Variants in MARCHF1 observed in about 807,000 individuals in gnomAD.
MARCHF1 encodes E3 ubiquitin-protein ligase MARCHF1.
In MARCHF1, 40 loss-of-function variants were observed where a neutral mutation model predicts 54.2. That is an observed-to-expected ratio of 0.74 (90% CI 0.57 to 0.96). The LOEUF (loss-of-function observed/expected upper bound fraction) is 0.96. MARCHF1 is among the 40% of genes least tolerant of loss of function. The probability of loss-of-function intolerance (pLI) is 0.00; values close to 1 mark genes in which losing one functional copy is unlikely to be tolerated. For synonymous variants in MARCHF1, 236 were observed against 236.3 expected (o/e 1.00, Z 0.01); for missense variants, 586 against 656.5 (o/e 0.89, Z 1.17).
intron 4 of MARCHF1, among the ~76,000 whole-genome samples, chr4:163,853,266 C>G (rs909655247): frequency 6.6e-6 from 1 of 151,926 alleles, no homozygotes; most frequent in Non-Finnish European, 1.5e-5. Context: ...TCAGGCTAAT[C>G]AAAACACTTT....
chr4:164,036,872 A>G (rs1195081077), intron 2 of MARCHF1, among the ~76,000 whole-genome samples: 3 of 152,194 alleles, frequency 2.0e-5, no homozygotes, highest in Admixed American at 2.0e-4. Flanking sequence ...GGTATTATCT[A>G]ATGGTGAATA....
chr4:164,085,133 C>T (rs928309953), intron 2 of MARCHF1, among the ~76,000 whole-genome samples: 6 of 151,614 alleles, frequency 4.0e-5, no homozygotes, highest in Non-Finnish European at 8.9e-5. Flanking sequence ...TGACATATAT[C>T]CCAAAGTACA....
chr4:163,666,129 C>A (rs1204743941), intron 5 of MARCHF1, among the ~76,000 whole-genome samples: 2 of 152,134 alleles, frequency 1.3e-5, no homozygotes, highest in Non-Finnish European at 2.9e-5. Context: ...TCATTAATAT[C>A]ATTGCTTCTG....
intron 1 of MARCHF1, among the ~76,000 whole-genome samples, chr4:164,139,729 G>A (rs539715288): frequency 1.2e-4 from 18 of 152,050 alleles, no homozygotes; most frequent in African/African-American, 4.1e-4. Context: ...TACTTTAAGC[G>A]GAATGGAAAA....
intron 5 of MARCHF1, among the ~76,000 whole-genome samples, chr4:163,695,342 T>C (rs1744586955): frequency 6.6e-6 from 1 of 152,170 alleles, no homozygotes; most frequent in African/African-American, 2.4e-5. Context: ...TAAAATGCTG[T>C]GAACCATAGA....
chr4:164,337,526 G>C (rs1729773609), intron 1 of MARCHF1, among the ~76,000 whole-genome samples: 1 of 152,174 alleles, frequency 6.6e-6, no homozygotes, highest in African/African-American at 2.4e-5. Context: ...GCATGGATGA[G>C]TAAATGGCTA....
chr4:164,285,464 A>G (rs1734118803), intron 1 of MARCHF1, among the ~76,000 whole-genome samples: 1 of 151,948 alleles, frequency 6.6e-6, no homozygotes, highest in African/African-American at 2.4e-5. Context: ...TATTTTTGAG[A>G]CGGAGTTTCG....
chr4:164,269,792 G>A (rs1446963328), intron 1 of MARCHF1, among the ~76,000 whole-genome samples: 2 of 152,080 alleles, frequency 1.3e-5, no homozygotes, highest in Admixed American at 6.6e-5. Context: ...GGGGTTTATC[G>A]TACTGATTCA....
chr4:163,581,150 G>A (rs1156957154), intron 8 of MARCHF1, among the ~76,000 whole-genome samples: 6 of 150,896 alleles, frequency 4.0e-5, no homozygotes, highest in Admixed American at 1.3e-4. Context: ...GCTATTTGGC[G>A]GTAGAGTGGC....
intron 1 of MARCHF1, among the ~76,000 whole-genome samples, chr4:164,337,832 A>T (rs1368149072): frequency 6.7e-6 from 1 of 150,120 alleles, no homozygotes; most frequent in African/African-American, 2.5e-5. Context: ...CCCTGGGGGA[A>T]AAAAAAATGA....
At chr4:164,365,973 C>G (rs1333293787) in intron 1 of MARCHF1, among the ~76,000 whole-genome samples, 1 of 151,980 alleles carries the variant, frequency 6.6e-6, no homozygotes, top group Non-Finnish European at 1.5e-5. Context: ...TCATCTCTCT[C>G]CCCTCTGAAA....
intron 8 of MARCHF1, among the ~76,000 whole-genome samples, chr4:163,552,211 G>A (rs1050772806): frequency 1.3e-5 from 2 of 152,178 alleles, no homozygotes; most frequent in Non-Finnish European, 2.9e-5. Flanking sequence ...AACAGTACAA[G>A]AAGGTCTTGT....
intron 3 of MARCHF1, among the ~76,000 whole-genome samples, chr4:163,915,799 C>G (rs1460504814): frequency 1.3e-5 from 2 of 152,106 alleles, no homozygotes; most frequent in Non-Finnish European, 1.5e-5. Context: ...TTAGAGCAGT[C>G]TTGGGACCCT....
At chr4:163,774,271 T>C (rs1329586579) in intron 4 of MARCHF1, among the ~76,000 whole-genome samples, 1 of 152,184 alleles carries the variant, frequency 6.6e-6, no homozygotes, top group East Asian at 1.9e-4. Flanking sequence ...CATTTGCATA[T>C]GTTTTAATCA....
intron 1 of MARCHF1, among the ~76,000 whole-genome samples, chr4:164,134,767 A>C: frequency 6.6e-6 from 1 of 151,960 alleles, no homozygotes; most frequent in East Asian, 1.9e-4. Flanking sequence ...AGCTTCTTTT[A>C]GCATATGTTA....
intron 2 of MARCHF1, among the ~76,000 whole-genome samples, chr4:164,006,549 C>T (rs1413521206): frequency 6.6e-6 from 1 of 151,964 alleles, no homozygotes; most frequent in Non-Finnish European, 1.5e-5. Flanking sequence ...GCAAAAAGTA[C>T]AAAGTTTATT....
At chr4:163,692,497 C>T (rs1019301936) in intron 5 of MARCHF1, among the ~76,000 whole-genome samples, 7 of 151,998 alleles carry the variant, frequency 4.6e-5, no homozygotes, top group African/African-American at 1.7e-4. Flanking sequence ...GCTTGAGGAA[C>T]AAGAGGAAGT....
At chr4:163,602,016 C>A (rs1009296170) in intron 7 of MARCHF1, among the ~76,000 whole-genome samples, 4 of 151,334 alleles carry the variant, frequency 2.6e-5, no homozygotes, top group Admixed American at 6.6e-5. Context: ...AAAAAAAAAA[C>A]TGCTAAGAAC....
At chr4:164,025,384 CCA>C (rs538970376) in intron 2 of MARCHF1, among the ~76,000 whole-genome samples, 84 of 151,994 alleles carry the variant, frequency 5.5e-4, no homozygotes, top group African/African-American at 1.9e-3. Flanking sequence ...ATCATACCAA[CCA>C]CACTCTCAGA....
Sources: gnomAD v4.1 joint callset for allele counts (sites outside exome capture counted in the v4.1 genomes callset) on GRCh38, gnomAD v4.1.1 for gene constraint, MANE v1.5 for transcripts, NCBI Gene and HGNC (gene_info 2026-07-23, HGNC 2026-07-21) for gene names.